The following ARHGAP24 variants were observed in gnomAD, a reference collection of about 807,000 sequenced individuals.
ARHGAP24 encodes Rho GTPase activating protein 24.
ARHGAP24 carries 50 observed loss-of-function variants against 76.4 expected under a neutral mutation model. That is an observed-to-expected ratio of 0.65 (90% CI 0.52 to 0.83). The LOEUF (loss-of-function observed/expected upper bound fraction) is 0.83. Ranked by LOEUF, ARHGAP24 falls within the 40% of genes least tolerant of loss-of-function variation. The pLI is 0.00. For synonymous variants in ARHGAP24, 345 were observed against 323.3 expected, an observed-to-expected ratio of 1.07 and a Z score of -0.72; for missense variants, 930 against 914.2, an observed-to-expected ratio of 1.02 and a Z score of -0.22.
intron 1 of ARHGAP24, among the ~76,000 whole-genome samples, chr4:85,504,915 G>A (rs932752111): frequency 1.3e-5 from 2 of 152,104 alleles, no homozygotes; most frequent in Admixed American, 6.5e-5. Flanking sequence ...GGCAGGCCTG[G>A]TGGTGACAAA....
At chr4:85,716,416 C>A (rs1054594995) in intron 2 of ARHGAP24, among the ~76,000 whole-genome samples, 24 of 151,998 alleles carry the variant, frequency 1.6e-4, no homozygotes, top group African/African-American at 5.8e-4. Context: ...AGGAATATTT[C>A]TTATCAGGAA....
rs575081057 is a variant in ARHGAP24, at chr4:85,746,889, G to A, written c.268+24917G>A. On this transcript the variant is annotated intron_variant, in intron 3 of 9. Coordinates refer to ENST00000395184, the MANE Select transcript of ARHGAP24 (RefSeq NM_001025616.3). ...AGGATGGTCTCGATCTCCTGACCTC[G>A]TGATCTGCCCGCCTCAGCCTCCCAA... is the stretch of plus-strand genomic sequence containing the variant. 4.3e-4 allele frequency among the ~76,000 whole-genome samples: 65 copies of A among 152,036 alleles called. 1 individual carries two copies. The highest frequency in any genetic ancestry group is 7.7e-4 in the Non-Finnish European group (52 of 67,966).
At chr4:85,969,388 A>G (rs947147773) in intron 5 of ARHGAP24, among the ~76,000 whole-genome samples, 1 of 152,136 alleles carries the variant, frequency 6.6e-6, no homozygotes, top group African/African-American at 2.4e-5. Flanking sequence ...TATTGTATTT[A>G]TTCATAAATA....
At chr4:85,986,841 G>A (rs928086462) in intron 8 of ARHGAP24, among the ~76,000 whole-genome samples, 3 of 152,082 alleles carry the variant, frequency 2.0e-5, no homozygotes, top group African/African-American at 7.2e-5. Flanking sequence ...ATGAGGCATT[G>A]TGTAGAGTTC....
chr4:85,780,384 C>G (rs561681653), intron 3 of ARHGAP24, among the ~76,000 whole-genome samples: 19 of 152,140 alleles, frequency 1.2e-4, no homozygotes, highest in Admixed American at 1.2e-3. Context: ...ATGTTGGCCA[C>G]GCTGGTCTTG....
At chr4:85,604,918 T>C (rs1444837358) in intron 2 of ARHGAP24, among the ~76,000 whole-genome samples, 1 of 152,178 alleles carries the variant, frequency 6.6e-6, no homozygotes, top group African/African-American at 2.4e-5. Context: ...TTCACCATGT[T>C]GGTCAGGTTG....
intron 3 of ARHGAP24, among the ~76,000 whole-genome samples, chr4:85,818,338 C>T (rs1262263287): frequency 1.3e-5 from 2 of 152,140 alleles, no homozygotes; most frequent in African/African-American, 2.4e-5. Flanking sequence ...CCTGTCCACC[C>T]GCACCACAGA....
intron 2 of ARHGAP24, among the ~76,000 whole-genome samples, chr4:85,684,131 G>A (rs996161100): frequency 6.6e-6 from 1 of 152,104 alleles, no homozygotes; most frequent in African/African-American, 2.4e-5. Context: ...TGGGATCATT[G>A]GATTATACAG....
At chr4:85,826,062 G>C (rs1466207008) in intron 3 of ARHGAP24, among the ~76,000 whole-genome samples, 1 of 152,114 alleles carries the variant, frequency 6.6e-6, no homozygotes, top group Non-Finnish European at 1.5e-5. Context: ...AAAGTTCCCA[G>C]CTCCCAGCCC....
intron 1 of ARHGAP24, among the ~76,000 whole-genome samples, chr4:85,549,796 CT>C (rs1197912665): frequency 6.6e-6 from 1 of 152,176 alleles, no homozygotes; most frequent in Non-Finnish European, 1.5e-5. Flanking sequence ...GCATCTCTCG[CT>C]CCCTTCTTTG....
At chr4:85,829,730 G>T (rs1729893258) in intron 3 of ARHGAP24, among the ~76,000 whole-genome samples, 1 of 152,202 alleles carries the variant, frequency 6.6e-6, no homozygotes, top group Non-Finnish European at 1.5e-5. Context: ...AAGGCCTTGT[G>T]TAACTGTTTT....
intron 1 of ARHGAP24, among the ~76,000 whole-genome samples, chr4:85,501,946 G>C (rs1723836120): frequency 1.3e-5 from 2 of 152,158 alleles, no homozygotes; most frequent in South Asian, 4.2e-4. Context: ...CATATGGCTA[G>C]CCAGTTTTCC....
At chr4:85,931,772 C>T (rs1420100196) in intron 4 of ARHGAP24, among the ~76,000 whole-genome samples, 13 of 151,982 alleles carry the variant, frequency 8.6e-5, no homozygotes, top group Admixed American at 7.2e-4. Flanking sequence ...GTTTATGGAT[C>T]AAAATATTTA....
At chr4:85,996,337 G>T (rs1297948143) in intron 9 of ARHGAP24, among the ~76,000 whole-genome samples, 2 of 152,258 alleles carry the variant, frequency 1.3e-5, no homozygotes, top group Non-Finnish European at 2.9e-5. Context: ...GAGGAAAAAA[G>T]AATATGATTT....
intron 1 of ARHGAP24, among the ~76,000 whole-genome samples, chr4:85,481,991 A>T (rs761494550): frequency 1.3e-5 from 2 of 152,188 alleles, no homozygotes; most frequent in Non-Finnish European, 2.9e-5. Context: ...GTTTGAGGAG[A>T]TACCTAGAGA....
intron 3 of ARHGAP24, among the ~76,000 whole-genome samples, chr4:85,873,765 A>G (rs1381639103): frequency 6.6e-6 from 1 of 152,102 alleles, no homozygotes; most frequent in Non-Finnish European, 1.5e-5. Context: ...CCTCACTTTA[A>G]TTCTCCACAC....
intron 1 of ARHGAP24, among the ~76,000 whole-genome samples, chr4:85,553,391 G>C (rs796400016): frequency 2.0e-5 from 3 of 152,190 alleles, no homozygotes; most frequent in African/African-American, 7.2e-5. Context: ...AGAGCTGATT[G>C]GTCCATTTTA....
chr4:85,506,140 G>A (rs1724038968), intron 1 of ARHGAP24, among the ~76,000 whole-genome samples: 1 of 152,126 alleles, frequency 6.6e-6, no homozygotes, highest in South Asian at 2.1e-4. Context: ...GCACCTGACT[G>A]TATGAGGTGT....
At chr4:85,633,345 C>A (rs951830715) in intron 2 of ARHGAP24, among the ~76,000 whole-genome samples, 1 of 151,816 alleles carries the variant, frequency 6.6e-6, no homozygotes, top group Non-Finnish European at 1.5e-5. Flanking sequence ...TAGAAAGTTA[C>A]CCAGTACAAA....
Sources: gnomAD v4.1 joint callset for allele counts (sites outside exome capture counted in the v4.1 genomes callset) on GRCh38, gnomAD v4.1.1 for gene constraint, MANE v1.5 for transcripts, NCBI Gene and HGNC (gene_info 2026-07-23, HGNC 2026-07-21) for gene names.